Variants in ARL6IP5 observed in about 807,000 individuals in gnomAD.
ARL6IP5 encodes PRA1 family protein 3.
In ARL6IP5, 6 loss-of-function variants were observed where a neutral mutation model predicts 13.0. The observed-to-expected ratio is 0.46, with a 90% CI of 0.25 to 0.91. The LOEUF is 0.91. ARL6IP5 is among the 40% of genes least tolerant of loss of function. ARL6IP5 has a pLI of 0.17. For synonymous variants in ARL6IP5, 91 were observed against 91.9 expected (o/e 0.99, Z 0.06); for missense variants, 208 against 248.8 (o/e 0.84, Z 1.10).
At chr3:69,087,909 C>G (rs568994033) in intron 1 of ARL6IP5, among the ~76,000 whole-genome samples, 29 of 152,302 alleles carry the variant, frequency 1.9e-4, no homozygotes, top group South Asian at 4.1e-4. Context: ...ACTATAAGCA[C>G]AGTCAGTAGT....
rs1575867167 is a variant in ARL6IP5 at position 69,105,740 on chromosome 3, T to G, written c.*1104T>G. 1 of 152,374 alleles carries G rather than the reference T, an allele frequency of 6.6e-6. No individual in the cohort carries two copies. The highest frequency in any genetic ancestry group is 1.5e-5 in the Non-Finnish European group (1 of 68,040). The allele number at this position is 152,374 out of a possible 1,614,324, so 9.4% of individuals were successfully genotyped here. ...TAGCATGAGTTTATACATTCTATTA[T>G]TTTTCCTCCCTTTCTCATGTTTTTA... On this transcript the variant is annotated 3_prime_UTR_variant, in exon 3 of 3. Coordinates refer to ENST00000273258, the MANE Select transcript of ARL6IP5 (RefSeq NM_006407.4).
intron 1 of ARL6IP5, among the ~76,000 whole-genome samples, chr3:69,089,326 G>T (rs146055670): frequency 1.3e-5 from 2 of 151,974 alleles, no homozygotes; most frequent in Non-Finnish European, 2.9e-5. Flanking sequence ...CTTGAACCCC[G>T]TAACTTCTGA....
At chr3:69,103,849 T>A (rs2092313772) in intron 2 of ARL6IP5, among the ~76,000 whole-genome samples, 1 of 152,144 alleles carries the variant, frequency 6.6e-6, no homozygotes, top group African/African-American at 2.4e-5. Context: ...CCTGTCTCTT[T>A]AAGGCTCAGG....
intron 1 of ARL6IP5, among the ~76,000 whole-genome samples, chr3:69,091,654 C>CTTTTTTTT (rs529198443): frequency 9.5e-6 from 1 of 105,756 alleles, no homozygotes; most frequent in Non-Finnish European, 1.9e-5. Context: ...CTCCGTCCAG[C>CTTTTTTTT]TTTTTTTTTT....
chr3:69,093,226 G>C (rs948459921), intron 1 of ARL6IP5, among the ~76,000 whole-genome samples: 5 of 152,188 alleles, frequency 3.3e-5, no homozygotes, highest in Non-Finnish European at 7.3e-5. Flanking sequence ...AAAGACAATG[G>C]TTGGTTTGGA....
chr3:69,098,860 G>T (rs2092295595), intron 1 of ARL6IP5, among the ~76,000 whole-genome samples: 1 of 151,988 alleles, frequency 6.6e-6, no homozygotes, highest in South Asian at 2.1e-4. Flanking sequence ...CACAGCTATT[G>T]GTATTGTTGG....
chr3:69,086,405 G>C (rs1317633248), intron 1 of ARL6IP5, among the ~76,000 whole-genome samples: 1 of 152,220 alleles, frequency 6.6e-6, no homozygotes, highest in East Asian at 1.9e-4. Flanking sequence ...CAGAGGAGAG[G>C]GGGAGACTTC....
rs377584839 is a variant in ARL6IP5, at chr3:69,101,651, A to G, written c.177-188A>G. ...CACCATTTTCTAACCTCTGTGCCTTAGCTTCTTCATTTGAGAAATGAACTA... is the reference window on the plus strand; with the variant it reads ...CACCATTTTCTAACCTCTGTGCCTTGGCTTCTTCATTTGAGAAATGAACTA... On this transcript the variant is annotated intron_variant, in intron 1 of 2. Coordinates refer to ENST00000273258, the MANE Select transcript of ARL6IP5 (RefSeq NM_006407.4). Among the ~76,000 whole-genome samples the G allele has an allele frequency of 2.0e-5, 3 of 152,150 alleles. No homozygotes were observed. The East Asian group carries it at 5.8e-4, about 29-fold the overall frequency.
chr3:69,102,539 C>T (rs977124720), intron 2 of ARL6IP5, among the ~76,000 whole-genome samples: 10 of 152,114 alleles, frequency 6.6e-5, no homozygotes, highest in Admixed American at 3.3e-4. Flanking sequence ...GGATTACAGG[C>T]GTGAGCCACT....
chr3:69,085,197 G>A lies in ARL6IP5; in HGVS notation c.150G>A (p.Val50=), dbSNP rs1252395882. 3.1e-6 allele frequency: 5 copies of A among 1,613,854 alleles called. No individual in the cohort carries two copies. The African/African-American group carries it at 6.7e-5, about 22-fold the overall frequency. ...ATTACCAGACCAACTACCTGGTGGT[G>A]GCTGCCATGATGATTTCCATTGTGG... ...LLYYQTNYLV[V]AAMMISIVGF... The change falls in exon 1 of 3, where the codon GTG becomes GTA. Residue 50 remains valine (V), a synonymous_variant. Coordinates refer to ENST00000273258, the MANE Select transcript of ARL6IP5 (RefSeq NM_006407.4).
At position 69,085,153 on chromosome 3, in the gene ARL6IP5, G is replaced by C. The variant is rs774102206; in HGVS notation, c.106G>C (p.Val36Leu). The C allele has an allele frequency of 3.7e-6, 6 of 1,614,106 alleles. No individual in the cohort carries two copies. The Admixed American group carries it at 1.0e-4, about 27-fold the overall frequency. ...FRDISKWNNR[V>L]VSNLLYYQTN... is the part of the protein sequence containing the mutation. ...GGACATTTCCAAATGGAACAACCGC[G>C]TAGTGAGCAACCTGCTCTATTACCA... The change falls in exon 1 of 3, where the codon GTA (valine) becomes CTA (leucine). Residue 36 changes from valine (V) to leucine (L), a missense_variant. Transcript: ENST00000273258.
rs759197336 is a variant in ARL6IP5, at chr3:69,106,012, T to C, written c.*1376T>C. 2.0e-5 allele frequency: 3 copies of C among 152,204 alleles called. No individual in the cohort carries two copies. Among genetic ancestry groups the C allele is most frequent in the African/African-American group, 4.8e-5 (2 of 41,452 alleles). 9.4% of individuals were successfully genotyped at this position (152,204 alleles called of 1,614,324 possible). On this transcript the variant is annotated 3_prime_UTR_variant, in exon 3 of 3. Transcript: ENST00000273258. ...TGATATCACCATGACTTCACAGACA[T>C]GGTCTAGAATCTGTACCCTTACCCA...
chr3:69,095,522 C>G (rs994104871), intron 1 of ARL6IP5, among the ~76,000 whole-genome samples: 1 of 146,050 alleles, frequency 6.8e-6, no homozygotes, highest in Admixed American at 6.9e-5. Flanking sequence ...TTTTTTGAGA[C>G]GGAGTCTGGC....
At chr3:69,099,129 C>T (rs1008884799) in intron 1 of ARL6IP5, among the ~76,000 whole-genome samples, 3 of 17,620 alleles carry the variant, frequency 1.7e-4, no homozygotes, top group African/African-American at 3.6e-4. Flanking sequence ...GGCTGAGGGG[C>T]GGGGGGGGTG....
chr3:69,101,723 A>T, intron 1 of ARL6IP5, 116 bp from the exon 2 acceptor site: 1 of 841,832 alleles, frequency 1.2e-6, no homozygotes, highest in Non-Finnish European at 1.9e-6. Flanking sequence ...GAGACAATTT[A>T]GATAAAGTAT....
intron 1 of ARL6IP5, among the ~76,000 whole-genome samples, chr3:69,097,245 T>C (rs1403008522): frequency 6.6e-6 from 1 of 152,014 alleles, no homozygotes; most frequent in Non-Finnish European, 1.5e-5. Context: ...CCTGCAGCCT[T>C]GACCTCTGAG....
At position 69,085,096 on chromosome 3, in the gene ARL6IP5, G is replaced by A; in HGVS notation, c.49G>A (p.Gly17Ser). The A allele has an allele frequency of 1.2e-6, 2 of 1,614,164 alleles. No individual in the cohort carries two copies. The highest frequency in any genetic ancestry group is 1.7e-5 in the Admixed American group (1 of 60,020). The change falls in exon 1 of 3, where the codon GGT (glycine) becomes AGT (serine). Residue 17 changes from glycine to serine, a missense_variant. Physicochemically the swap from Gly to Ser is moderately conservative, Grantham distance 56. Transcript: ENST00000273258. ...CCGCGCCTGGGACGATTTCTTCCCG[G>A]GTTCCGATCGCTTTGCCCGGCCGGA... is the stretch of plus-strand genomic sequence containing the variant. ...PLRAWDDFFP[G>S]SDRFARPDFR... is the part of the protein sequence containing the mutation.
chr3:69,102,349 A>G (rs1014054032), intron 2 of ARL6IP5: 1 of 418,860 alleles, frequency 2.4e-6, no homozygotes, highest in Non-Finnish European at 4.4e-6. Flanking sequence ...TCTGTCACCC[A>G]CGCTGTGGTG....
intron 1 of ARL6IP5, among the ~76,000 whole-genome samples, chr3:69,087,464 A>G (rs2092252084): frequency 1.3e-5 from 2 of 151,866 alleles, no homozygotes; most frequent in African/African-American, 2.4e-5. Flanking sequence ...GCAAAGTTTG[A>G]CACAGACCAA....
Sources: gnomAD v4.1 joint callset for allele counts (sites outside exome capture counted in the v4.1 genomes callset) on GRCh38, gnomAD v4.1.1 for gene constraint, MANE v1.5 for transcripts, NCBI Gene and HGNC (gene_info 2026-07-23, HGNC 2026-07-21) for gene names.